Variants in CDKL3 observed in about 807,000 individuals in gnomAD.
CDKL3 encodes cyclin-dependent kinase-like 3.
A neutral mutation model predicts 69.3 loss-of-function variants in CDKL3; 65 were observed. That is an observed-to-expected ratio of 0.94 (90% CI 0.77 to 1.15). CDKL3 has a LOEUF of 1.15. Ranked by LOEUF, CDKL3 falls within the 50% of genes most tolerant of loss-of-function variation. CDKL3 has a pLI of 0.00. For synonymous variants in CDKL3, 202 were observed against 221.6 expected (o/e 0.91, Z 0.79); for missense variants, 652 against 689.2 (o/e 0.95, Z 0.61).
At chr5:134,365,977 C>T (rs1396746107) in intron 2 of CDKL3, among the ~76,000 whole-genome samples, 1 of 152,122 alleles carries the variant, frequency 6.6e-6, no homozygotes, top group Non-Finnish European at 1.5e-5. Flanking sequence ...TTATTATGAG[C>T]CACTTTTTAT....
intron 11 of CDKL3, among the ~76,000 whole-genome samples, chr5:134,302,991 C>T (rs867920804): frequency 1.3e-4 from 19 of 151,990 alleles, no homozygotes; most frequent in African/African-American, 4.6e-4. Flanking sequence ...GATATTCTTG[C>T]TATTATATTA....
intron 4 of CDKL3, among the ~76,000 whole-genome samples, chr5:134,329,139 G>C (rs370735374): frequency 2.7e-4 from 41 of 152,234 alleles, no homozygotes; most frequent in African/African-American, 8.9e-4. Context: ...ACAGGAGTTC[G>C]AGACCAGCCT....
chr5:134,301,332 GC>G (rs977460114), intron 12 of CDKL3, among the ~76,000 whole-genome samples: 1 of 152,054 alleles, frequency 6.6e-6, no homozygotes, highest in African/African-American at 2.4e-5. Context: ...TTTCTTCTCT[GC>G]AAAGTGGACT....
At chr5:134,340,437 T>C (rs1245767472) in intron 4 of CDKL3, among the ~76,000 whole-genome samples, 2 of 152,144 alleles carry the variant, frequency 1.3e-5, no homozygotes, top group African/African-American at 2.4e-5. Context: ...AGCTATTTTT[T>C]TGTAAATCAA....
chr5:134,366,897 C>G, intron 1 of CDKL3, 80 bp downstream of exon 1: 1 of 1,001,734 alleles, frequency 1.0e-6, no homozygotes, highest in African/African-American at 1.7e-5. Flanking sequence ...CTACTGCAGT[C>G]GCCCACTTAT....
At chr5:134,362,907 G>C (rs902369629) in intron 2 of CDKL3, among the ~76,000 whole-genome samples, 1 of 152,168 alleles carries the variant, frequency 6.6e-6, no homozygotes, top group Non-Finnish European at 1.5e-5. Flanking sequence ...CAGCCTGGGC[G>C]ACAGACAGAG....
chr5:134,367,173 G>A (rs1166358538), upstream of CDKL3: 14 of 985,678 alleles, frequency 1.4e-5, no homozygotes, highest in Non-Finnish European at 1.6e-5. Flanking sequence ...CTGCGTTCTA[G>A]ACTCGTGCGC....
intron 4 of CDKL3, among the ~76,000 whole-genome samples, chr5:134,329,433 C>T (rs1775197602): frequency 6.6e-6 from 1 of 151,746 alleles, no homozygotes; most frequent in Admixed American, 6.6e-5. Context: ...TTTCTCTCTT[C>T]TTCTGTTAAT....
rs778055527 is a variant in CDKL3 at position 134,302,654 on chromosome 5, T to C, written c.1655A>G (p.Lys552Arg). 3.1e-6 allele frequency: 5 copies of C among 1,601,354 alleles called. No individual in the cohort carries two copies. In the Admixed American group the frequency reaches 8.5e-5, roughly 27 times the overall value. Reference protein sequence around the residue: ...KQIKMLKRESKKTESSKIPTL... With the variant: ...KQIKMLKRESRKTESSKIPTL... The stretch of plus-strand genomic sequence containing the variant: ...TGGTATCTTAGATGACTCTGTTTTC[T>C]TTGACTCCCTCTTCAGCATTTTTAT... Residue 552 changes from lysine (K) to arginine (R), a missense_variant, in exon 12 of 13, where the codon AAG becomes AGG. Transcript: ENST00000265334.
chr5:134,315,025 A>G (rs1439592393), intron 6 of CDKL3, among the ~76,000 whole-genome samples: 1 of 152,182 alleles, frequency 6.6e-6, no homozygotes, highest in Non-Finnish European at 1.5e-5. Context: ...TAGAAAATTT[A>G]TATCTAGGAA....
At chr5:134,311,204 TACA>T (rs1196120705) in intron 7 of CDKL3, among the ~76,000 whole-genome samples, 5 of 152,112 alleles carry the variant, frequency 3.3e-5, no homozygotes, top group South Asian at 2.1e-4. Flanking sequence ...ATGGGTAGGA[TACA>T]ACAACAGGCA....
intron 4 of CDKL3, among the ~76,000 whole-genome samples, chr5:134,333,092 G>C (rs530354860): frequency 1.3e-5 from 2 of 152,114 alleles, no homozygotes; most frequent in African/African-American, 2.4e-5. Context: ...TTGGCTCTCC[G>C]TTTGTCTGTT....
intron 3 of CDKL3, among the ~76,000 whole-genome samples, chr5:134,352,237 T>A (rs1275077975): frequency 6.6e-6 from 1 of 152,162 alleles, no homozygotes; most frequent in African/African-American, 2.4e-5. Flanking sequence ...GGCTGAATAG[T>A]GCTCCATTGT....
rs780359731 is a variant in CDKL3, at chr5:134,308,606, T to G, written c.1003A>C (p.Asn335His). 1.9e-6 allele frequency: 3 copies of G among 1,602,342 alleles called. No homozygotes were observed. In the East Asian group the frequency reaches 6.7e-5, roughly 36 times the overall value. ...AAAACTGAACTACTTAGCAGTGTAT[T>G]GGTATAAACTGTTTTTCTTTCATCT... is the stretch of plus-strand genomic sequence containing the variant. ...RKDERKTVYT[N>H]TLLSSSVLGK... Residue 335 changes from asparagine to histidine, a missense_variant, in exon 8 of 13, where the codon AAT (asparagine) becomes CAT (histidine). Physicochemically the swap from Asn to His is moderately conservative, Grantham distance 68 (BLOSUM62 1). Coordinates refer to ENST00000265334, the MANE Select transcript of CDKL3 (RefSeq NM_001113575.2).
downstream of CDKL3, among the ~76,000 whole-genome samples, chr5:134,296,740 G>T (rs1229083134): frequency 6.6e-6 from 1 of 151,352 alleles, no homozygotes; most frequent in South Asian, 2.1e-4. Context: ...TTGAGGTCAG[G>T]AGTTCAAGAC....
chr5:134,366,688 C>A, intron 1 of CDKL3, 144 bp from the exon 2 acceptor site: 2 of 697,864 alleles, frequency 2.9e-6, no homozygotes, highest in East Asian at 3.2e-5. Context: ...TTCCACTGAG[C>A]CTTTTTGTCT....
chr5:134,348,748 C>T (rs997537335), intron 4 of CDKL3, among the ~76,000 whole-genome samples: 3 of 152,044 alleles, frequency 2.0e-5, no homozygotes, highest in Non-Finnish European at 4.4e-5. Flanking sequence ...ACAGAGAGAT[C>T]TTATGCAGGC....
chr5:134,307,365 A>G (rs1024587209), intron 9 of CDKL3, among the ~76,000 whole-genome samples: 1 of 152,178 alleles, frequency 6.6e-6, no homozygotes, highest in African/African-American at 2.4e-5. Context: ...TACTGATACC[A>G]TGGTTTTGGG....
chr5:134,302,103 T>C (rs759149579), intron 12 of CDKL3: 4 of 454,342 alleles, frequency 8.8e-6, no homozygotes, highest in Non-Finnish European at 1.8e-5. Flanking sequence ...AGAATCTCTC[T>C]GGTGGGTAGG....
Sources: gnomAD v4.1 joint callset for allele counts (sites outside exome capture counted in the v4.1 genomes callset) on GRCh38, gnomAD v4.1.1 for gene constraint, MANE v1.5 for transcripts, NCBI Gene and HGNC (gene_info 2026-07-23, HGNC 2026-07-21) for gene names.